Variants in RIMS1 observed in about 807,000 individuals in gnomAD.
RIMS1 encodes the protein regulating synaptic membrane exocytosis protein 1.
A neutral mutation model predicts 214.1 loss-of-function variants in RIMS1; 83 were observed. The ratio of observed to expected loss-of-function variants is 0.39; its 90% CI spans 0.32 to 0.47. RIMS1 has a LOEUF of 0.47. Among genes scored for constraint, RIMS1 ranks in the 20% least tolerant of loss-of-function variants. The pLI, the probability that RIMS1 is intolerant of heterozygous loss-of-function variation, is 0.99. For missense variants in RIMS1, 2,050 were observed against 2,161.8 expected (o/e 0.95, Z 1.03); for synonymous variants, 793 against 786.8 (o/e 1.01, Z -0.13).
chr6:71,938,598 T>C (rs960420065), intron 1 of RIMS1, among the ~76,000 whole-genome samples: 1 of 151,384 alleles, frequency 6.6e-6, no homozygotes, highest in South Asian at 2.1e-4. Context: ...GTGGCTGGAG[T>C]GGCCACAGAG....
chr6:72,276,002 CAGGAGTTTGAGATCA>C lies in RIMS1; in HGVS notation c.3482+1571_3482+1585del, dbSNP rs892687707. Among the ~76,000 whole-genome samples, 179 of 152,296 alleles carry C rather than the reference CAGGAGTTTGAGATCA, an allele frequency of 1.2e-3. 1 individual carries two copies. Among genetic ancestry groups the C allele is most frequent in the African/African-American group, 4.0e-3 (168 of 41,560 alleles). On this transcript the variant is annotated intron_variant, in intron 23 of 33. Coordinates refer to ENST00000521978, the MANE Select transcript of RIMS1 (RefSeq NM_014989.7). ...CCAAGTGGGGAGGATTACTTGAGCC[CAGGAGTTTGAGATCA>C]GCCTGGGCACCACAGTGAGACTGCA...
chr6:72,034,649 G>A (rs536710), intron 2 of RIMS1, among the ~76,000 whole-genome samples: 118,675 of 151,710 alleles, frequency 0.78, 47,212 homozygotes, highest in African/African-American at 0.94. Context: ...AGACAATAGA[G>A]TTCTAGGAAT....
chr6:72,245,565 C>G (rs1206700985), intron 10 of RIMS1, among the ~76,000 whole-genome samples: 1 of 151,888 alleles, frequency 6.6e-6, no homozygotes, highest in Non-Finnish European at 1.5e-5. Flanking sequence ...TGATTTTAAC[C>G]ACAATATTAG....
intron 16 of RIMS1, among the ~76,000 whole-genome samples, chr6:72,253,437 G>A (rs118038155): frequency 6.0e-4 from 92 of 152,256 alleles, no homozygotes; most frequent in Non-Finnish European, 1.1e-3. Context: ...TTGTGATGTT[G>A]TAGGGTTTAA....
intron 6 of RIMS1, among the ~76,000 whole-genome samples, chr6:72,223,619 T>C (rs1204927631): frequency 6.6e-6 from 1 of 152,088 alleles, no homozygotes; most frequent in East Asian, 1.9e-4. Context: ...AAAAGTGTAA[T>C]TCATTACAAA....
At chr6:72,090,022 G>A (rs900206211) in intron 2 of RIMS1, among the ~76,000 whole-genome samples, 1 of 122,468 alleles carries the variant, frequency 8.2e-6, no homozygotes, top group African/African-American at 3.1e-5. Context: ...GACTGTGGTG[G>A]GGTGGGGGGA....
intron 4 of RIMS1, among the ~76,000 whole-genome samples, chr6:72,118,277 TAGG>T (rs2037487089): frequency 6.6e-6 from 1 of 151,224 alleles, no homozygotes; most frequent in Non-Finnish European, 1.5e-5. Context: ...TCTGCCATTA[TAGG>T]AGGTTTTTTC....
intron 6 of RIMS1, among the ~76,000 whole-genome samples, chr6:72,186,863 G>T (rs1266920233): frequency 6.6e-6 from 1 of 151,964 alleles, no homozygotes; most frequent in Non-Finnish European, 1.5e-5. Flanking sequence ...GGGCGCAGTG[G>T]CTCTCACCTG....
intron 27 of RIMS1, among the ~76,000 whole-genome samples, chr6:72,311,533 A>G (rs2095509426): frequency 6.6e-6 from 1 of 152,192 alleles, no homozygotes; most frequent in Admixed American, 6.6e-5. Context: ...CTCAGTTTAG[A>G]TATAATAACA....
intron 2 of RIMS1, among the ~76,000 whole-genome samples, chr6:72,041,871 G>T (rs113635704): frequency 6.6e-6 from 1 of 151,844 alleles, no homozygotes; most frequent in South Asian, 2.1e-4. Flanking sequence ...TTAAGGAAAC[G>T]GAGACTTAAT....
intron 1 of RIMS1, among the ~76,000 whole-genome samples, chr6:71,946,029 C>T (rs1262507022): frequency 6.7e-6 from 1 of 149,588 alleles, no homozygotes; most frequent in Non-Finnish European, 1.5e-5. Context: ...AAAGCAAAAT[C>T]CAAAAGAGAA....
rs551249130 is a variant in RIMS1 at position 72,244,909 on chromosome 6, T to C, written c.2082-906T>C. ...GGTTAGAAATTCTTAAAAAATATGC[T>C]TATAATTTTGTTGGGACTAGCTAAC... On this transcript the variant is annotated intron_variant, in intron 10 of 33. Transcript: ENST00000521978. 2.0e-5 allele frequency among the ~76,000 whole-genome samples: 3 copies of C among 152,060 alleles called. No homozygotes were observed. The East Asian group carries it at 5.8e-4, about 29-fold the overall frequency.
intron 4 of RIMS1, among the ~76,000 whole-genome samples, chr6:72,142,771 G>A (rs923931296): frequency 2.0e-5 from 3 of 152,076 alleles, no homozygotes; most frequent in African/African-American, 7.2e-5. Flanking sequence ...TAAACAGCAG[G>A]AGGACACTTA....
At chr6:72,123,673 A>G (rs1444578608) in intron 4 of RIMS1, among the ~76,000 whole-genome samples, 1 of 151,840 alleles carries the variant, frequency 6.6e-6, no homozygotes, top group East Asian at 1.9e-4. Context: ...GGGTGCATAT[A>G]TATTTAGGAT....
intron 2 of RIMS1, among the ~76,000 whole-genome samples, chr6:71,990,115 C>T (rs2151590410): frequency 6.6e-6 from 1 of 152,280 alleles, no homozygotes; most frequent in African/African-American, 2.4e-5. Context: ...CCTATCACAG[C>T]CTCTATTTAT....
At chr6:72,000,328 A>G (rs1272671002) in intron 2 of RIMS1, among the ~76,000 whole-genome samples, 3 of 152,244 alleles carry the variant, frequency 2.0e-5, no homozygotes, top group African/African-American at 7.2e-5. Flanking sequence ...AGTTCAAGAT[A>G]TGACAACATT....
Position 72,333,746 on chromosome 6 carries a change from G to A in RIMS1, c.4277G>A (p.Gly1426Asp), listed in dbSNP as rs2096749263. The A allele has an allele frequency of 1.3e-6, 2 of 1,599,816 alleles. No individual in the cohort carries two copies. The highest frequency in any genetic ancestry group is 8.5e-7 in the Non-Finnish European group (1 of 1,173,070). The change falls in exon 29 of 34, where the codon GGT becomes GAT. Residue 1426 changes from glycine to aspartate, a missense_variant. This residue lies in a region of RIMS1 where 889 missense variants were observed against 885.5 expected (regional missense o/e 1.00). Transcript: ENST00000521978. Reference protein sequence around the residue: ...SDTAVGTVGAGGKKRRSSLSA... With the variant: ...SDTAVGTVGADGKKRRSSLSA... ...ACAGCTGTGGGTACAGTTGGAGCAG[G>A]TGGAAAGAAACGGAGATCCAGCCTT...
At chr6:72,277,021 T>A (rs2086810388) in intron 23 of RIMS1, among the ~76,000 whole-genome samples, 1 of 152,234 alleles carries the variant, frequency 6.6e-6, no homozygotes, top group Admixed American at 6.5e-5. Context: ...CAACTTTGGA[T>A]ATCTTCTATC....
At chr6:72,193,216 G>C (rs955507009) in intron 6 of RIMS1, among the ~76,000 whole-genome samples, 2 of 152,156 alleles carry the variant, frequency 1.3e-5, no homozygotes, top group Non-Finnish European at 2.9e-5. Context: ...TCACCATGCT[G>C]TTTCCCCTCC....
Sources: allele counts gnomAD v4.1 joint callset (sites outside exome capture counted in the v4.1 genomes callset), GRCh38; gene constraint gnomAD v4.1.1; regional missense constraint gnomAD v4.1.1; transcripts MANE v1.5; gene names NCBI Gene and HGNC (gene_info 2026-07-23, HGNC 2026-07-21).